The following CDKAL1 variants were observed in gnomAD, a reference collection of about 807,000 sequenced individuals.
CDKAL1 encodes threonylcarbamoyladenosine tRNA methylthiotransferase.
CDKAL1 carries 32 observed loss-of-function variants against 68.2 expected under a neutral mutation model. The observed-to-expected ratio is 0.47, with a 90% CI of 0.35 to 0.63. The LOEUF is 0.63. Ranked by LOEUF, CDKAL1 falls within the 30% of genes least tolerant of loss-of-function variation. CDKAL1 has a pLI of 0.00. For synonymous variants in CDKAL1, 234 were observed against 244.3 expected, an observed-to-expected ratio of 0.96 and a Z score of 0.39; for missense variants, 606 against 696.7, an observed-to-expected ratio of 0.87 and a Z score of 1.47.
chr6:20,893,657 A>T (rs879882135), intron 9 of CDKAL1, among the ~76,000 whole-genome samples: 1 of 152,182 alleles, frequency 6.6e-6, no homozygotes, highest in Admixed American at 6.6e-5. Flanking sequence ...CAACTATTCT[A>T]CTATTTGCTA....
At chr6:21,092,122 G>A (rs1276829399) in intron 12 of CDKAL1, among the ~76,000 whole-genome samples, 2 of 148,388 alleles carry the variant, frequency 1.3e-5, no homozygotes, top group South Asian at 2.2e-4. Flanking sequence ...TCCTGACCTC[G>A]TGATCCGCCC....
chr6:20,600,771 C>CATATATATATATATATATACACATATAT (rs10522824), intron 4 of CDKAL1, among the ~76,000 whole-genome samples: 1 of 124,176 alleles, frequency 8.1e-6, no homozygotes, highest in Non-Finnish European at 1.7e-5. Context: ...TATATGTATA[C>CATATATATATATATATATACACATATAT]ATATATATAT....
intron 8 of CDKAL1, among the ~76,000 whole-genome samples, chr6:20,811,266 TC>T (rs759830921): frequency 2.0e-5 from 3 of 152,186 alleles, no homozygotes; most frequent in Non-Finnish European, 2.9e-5. Flanking sequence ...GCTTTCTCCA[TC>T]CGGGGCAATT....
chr6:21,201,003 A>G, intron 14 of CDKAL1, 107 bp from the exon 15 acceptor site: 1 of 985,574 alleles, frequency 1.0e-6, no homozygotes. Context: ...AGTTAGGTAT[A>G]CAGGAGCTCT....
At chr6:21,076,385 G>A (rs1191059246) in intron 12 of CDKAL1, among the ~76,000 whole-genome samples, 2 of 152,174 alleles carry the variant, frequency 1.3e-5, no homozygotes, top group African/African-American at 4.8e-5. Flanking sequence ...AGACACGTGA[G>A]TGCGCACATG....
chr6:20,609,276 C>CTCCTTCTCCTTCTT (rs1766483046), intron 4 of CDKAL1, among the ~76,000 whole-genome samples: 2 of 131,664 alleles, frequency 1.5e-5, no homozygotes, highest in Non-Finnish European at 3.1e-5. Flanking sequence ...TCCTCCTTCT[C>CTCCTTCTCCTTCTT]CTCCTTCTCC....
At chr6:20,611,835 AG>A (rs1160614262) in intron 4 of CDKAL1, among the ~76,000 whole-genome samples, 3 of 152,184 alleles carry the variant, frequency 2.0e-5, no homozygotes, top group Non-Finnish European at 2.9e-5. Context: ...ATCAAACATT[AG>A]AACCTATTCT....
chr6:21,023,068 T>C (rs540426926), intron 11 of CDKAL1, among the ~76,000 whole-genome samples: 1 of 152,312 alleles, frequency 6.6e-6, no homozygotes, highest in East Asian at 1.9e-4. Context: ...GGAAAAACAT[T>C]AGCAGTTTGC....
intron 4 of CDKAL1, chr6:20,559,539 C>T (rs1236416875): frequency 5.9e-5 from 9 of 152,132 alleles, no homozygotes; most frequent in Admixed American, 5.2e-4. Context: ...ATTTTTCATC[C>T]TGTTCAACCT....
chr6:21,114,685 G>A (rs1774315145), intron 13 of CDKAL1, among the ~76,000 whole-genome samples: 1 of 152,106 alleles, frequency 6.6e-6, no homozygotes, highest in African/African-American at 2.4e-5. Context: ...GCTGCAGTGA[G>A]TTGTGATCGC....
At chr6:21,089,134 C>G (rs181598471) in intron 12 of CDKAL1, among the ~76,000 whole-genome samples, 1 of 152,106 alleles carries the variant, frequency 6.6e-6, no homozygotes, top group Non-Finnish European at 1.5e-5. Context: ...TTCTTTTCAA[C>G]GTCAGTTGAT....
intron 9 of CDKAL1, among the ~76,000 whole-genome samples, chr6:20,948,234 C>G (rs1388918711): frequency 6.6e-6 from 1 of 151,854 alleles, no homozygotes; most frequent in Non-Finnish European, 1.5e-5. Flanking sequence ...CCAGGCTGGT[C>G]TTGAACTCCT....
At chr6:21,068,100 A>C (rs62404466) in intron 12 of CDKAL1, among the ~76,000 whole-genome samples, 9,983 of 152,148 alleles carry the variant, frequency 0.066, 399 homozygotes, top group Middle Eastern at 0.1. Flanking sequence ...GGAGTTATTT[A>C]CGTATTCTGG....
chr6:21,110,237 G>A (rs1335196776), intron 13 of CDKAL1, among the ~76,000 whole-genome samples: 1 of 152,150 alleles, frequency 6.6e-6, no homozygotes, highest in African/African-American at 2.4e-5. Context: ...AAATGGAAAA[G>A]TTTTATTCCA....
intron 10 of CDKAL1, among the ~76,000 whole-genome samples, chr6:20,984,068 A>C (rs2150780296): frequency 6.6e-6 from 1 of 152,238 alleles, no homozygotes; most frequent in East Asian, 1.9e-4. Flanking sequence ...GTGAAGTAAA[A>C]CTACTACGTT....
chr6:21,143,525 G>A (rs1283293761), intron 13 of CDKAL1, among the ~76,000 whole-genome samples: 1 of 152,172 alleles, frequency 6.6e-6, no homozygotes, highest in African/African-American at 2.4e-5. Flanking sequence ...TTGACTTGAT[G>A]TGGTTTGGGT....
chr6:20,633,664 G>A (rs1247515102), intron 4 of CDKAL1, among the ~76,000 whole-genome samples: 1 of 152,168 alleles, frequency 6.6e-6, no homozygotes, highest in Non-Finnish European at 1.5e-5. Context: ...GCATATGAGG[G>A]TTCCAGTTCA....
chr6:20,736,136 TTTCTC>T (rs777156864), intron 5 of CDKAL1, among the ~76,000 whole-genome samples: 17 of 148,418 alleles, frequency 1.1e-4, no homozygotes, highest in South Asian at 4.4e-4. Context: ...CTTTTTTTTT[TTTCTC>T]TCTGTTTTCT....
chr6:20,985,823 A>G (rs1041437431), intron 10 of CDKAL1, among the ~76,000 whole-genome samples: 2 of 151,646 alleles, frequency 1.3e-5, no homozygotes, highest in African/African-American at 4.8e-5. Flanking sequence ...AACAACTTTT[A>G]AGACTTCCCT....
Sources: allele counts gnomAD v4.1 joint callset (sites outside exome capture counted in the v4.1 genomes callset), GRCh38; gene constraint gnomAD v4.1.1; transcripts MANE v1.5; gene names NCBI Gene and HGNC (gene_info 2026-07-23, HGNC 2026-07-21).